The following AGFG1 variants were observed in gnomAD, a reference collection of about 807,000 sequenced individuals.
AGFG1 encodes the protein arf-GAP domain and FG repeat-containing protein 1.
A neutral mutation model predicts 60.6 loss-of-function variants in AGFG1; 10 were observed. That is an observed-to-expected ratio of 0.16 (90% CI 0.10 to 0.28). AGFG1 has a LOEUF of 0.28. Among genes scored for constraint, AGFG1 ranks in the 10% least tolerant of loss-of-function variants. The pLI is 1.00. For synonymous variants in AGFG1, 247 were observed against 242.9 expected (o/e 1.02, Z -0.16); for missense variants, 537 against 676.5 (o/e 0.79, Z 2.29).
chr2:227,556,025 G>T lies in AGFG1; in HGVS notation c.*1530G>T, dbSNP rs1055978041. The T allele has an allele frequency of 2.0e-5, 3 of 152,188 alleles. No individual in the cohort carries two copies. Among genetic ancestry groups the T allele is most frequent in the Non-Finnish European group, 4.4e-5 (3 of 68,032 alleles). The allele number at this position is 152,188 out of a possible 1,614,324, so 9.4% of individuals were successfully genotyped here. On this transcript the variant is annotated 3_prime_UTR_variant, in exon 13 of 13. Transcript: ENST00000310078. Reference sequence around the variant, plus strand: ...GTCCAAGGCCATTAGTGTAAGGACCGCTACCCAGCCTAGAGGACATCACTA... The same window carrying T: ...GTCCAAGGCCATTAGTGTAAGGACCTCTACCCAGCCTAGAGGACATCACTA...
At chr2:227,522,829 T>A (rs562260471) in intron 3 of AGFG1, among the ~76,000 whole-genome samples, 2 of 152,356 alleles carry the variant, frequency 1.3e-5, no homozygotes, top group African/African-American at 4.8e-5. Flanking sequence ...GTTTGGACAT[T>A]ATTATATCCT....
rs967124305 is a variant in AGFG1 at position 227,555,502 on chromosome 2, G to C, written c.*1007G>C. 4 of 152,308 alleles carry C rather than the reference G, an allele frequency of 2.6e-5. No individual in the cohort carries two copies. The highest frequency in any genetic ancestry group is 5.9e-5 in the Non-Finnish European group (4 of 67,952). The allele number at this position is 152,308 out of a possible 1,614,324, so 9.4% of individuals were successfully genotyped here. ...AAAAAAAATTGTCTTTGAATGTATT[G>C]GAAGTAGACATGCATTAACTGTGAC... On this transcript the variant is annotated 3_prime_UTR_variant, in exon 13 of 13. Coordinates refer to ENST00000310078, the MANE Select transcript of AGFG1 (RefSeq NM_004504.5).
At chr2:227,473,133 C>CT (rs1187231354) in intron 1 of AGFG1, among the ~76,000 whole-genome samples, 2 of 152,106 alleles carry the variant, frequency 1.3e-5, no homozygotes, top group African/African-American at 2.4e-5. Flanking sequence ...TCGCCCGTGC[C>CT]TTTTTTCTGG....
rs1354560961 is a variant in AGFG1 at position 227,534,926 on chromosome 2, C to T, written c.1106C>T (p.Ala369Val). 2 of 1,613,470 alleles carry T rather than the reference C, an allele frequency of 1.2e-6. No individual in the cohort carries two copies. Among genetic ancestry groups the T allele is most frequent in the South Asian group, 1.1e-5 (1 of 91,056 alleles). ...SVVSVPSQSS[A>V]SSDKYAALAE... ...GTTTCAGTTCCCAGTCAGTCAAGTG[C>T]ATCTTCAGACAAGTATGCAGCTCTG... Residue 369 changes from alanine (A) to valine (V), a missense_variant, in exon 8 of 13, where the codon GCA becomes GTA. Ala to Val is a moderately conservative substitution (Grantham distance 64, BLOSUM62 0). Transcript: ENST00000310078.
intron 1 of AGFG1, among the ~76,000 whole-genome samples, chr2:227,477,668 C>A (rs370216063): frequency 2.0e-5 from 3 of 151,850 alleles, no homozygotes; most frequent in Non-Finnish European, 4.4e-5. Context: ...TGCAGTGGTG[C>A]GATCTCACCT....
chr2:227,546,648 A>C (rs1298355585), intron 10 of AGFG1, among the ~76,000 whole-genome samples: 1 of 152,192 alleles, frequency 6.6e-6, no homozygotes, highest in Non-Finnish European at 1.5e-5. Flanking sequence ...CTTTTTAAAA[A>C]ACTGTAATAT....
intron 2 of AGFG1, among the ~76,000 whole-genome samples, chr2:227,504,554 AT>A (rs1691256324): frequency 6.6e-6 from 1 of 152,206 alleles, no homozygotes; most frequent in Non-Finnish European, 1.5e-5. Flanking sequence ...GTTCAAACTC[AT>A]ATTGTCAACT....
At chr2:227,499,641 A>G (rs1345847174) in intron 2 of AGFG1, among the ~76,000 whole-genome samples, 1 of 145,460 alleles carries the variant, frequency 6.9e-6, no homozygotes, top group African/African-American at 2.6e-5. Context: ...CTCTGTCTCA[A>G]AAAAAAAAAA....
At chr2:227,480,861 T>G (rs574204064) in intron 1 of AGFG1, among the ~76,000 whole-genome samples, 2 of 152,322 alleles carry the variant, frequency 1.3e-5, no homozygotes, top group South Asian at 4.1e-4. Context: ...AAAAATTAGT[T>G]TGCCTACATT....
intron 1 of AGFG1, among the ~76,000 whole-genome samples, chr2:227,486,593 C>T (rs868464904): frequency 5.7e-4 from 81 of 141,382 alleles, no homozygotes; most frequent in Admixed American, 8.2e-4. Context: ...AATATATATT[C>T]TATATGGATT....
At chr2:227,542,222 C>T (rs1692511730) in intron 10 of AGFG1, among the ~76,000 whole-genome samples, 1 of 152,164 alleles carries the variant, frequency 6.6e-6, no homozygotes, top group Non-Finnish European at 1.5e-5. Flanking sequence ...TGAGAGAGGG[C>T]ATACCTGTCA....
At chr2:227,523,646 T>G in intron 3 of AGFG1, 117 bp from the exon 4 acceptor site, 2 of 993,730 alleles carry the variant, frequency 2.0e-6, no homozygotes, top group Non-Finnish European at 1.5e-6. Flanking sequence ...TGTGAGAGGG[T>G]TTTCAGATAA....
chr2:227,493,144 T>C (rs1450531844), intron 2 of AGFG1, among the ~76,000 whole-genome samples: 1 of 152,110 alleles, frequency 6.6e-6, no homozygotes, highest in Non-Finnish European at 1.5e-5. Flanking sequence ...ATACCAAGAT[T>C]GAAGGAGTAT....
chr2:227,534,046 C>G (rs965561539), intron 7 of AGFG1, among the ~76,000 whole-genome samples: 11 of 151,874 alleles, frequency 7.2e-5, no homozygotes, highest in African/African-American at 2.7e-4. Context: ...CTATAAAGAG[C>G]CAAGAAACCC....
At chr2:227,519,876 A>G in intron 2 of AGFG1, 72 bp from the exon 3 acceptor site, 1 of 823,496 alleles carries the variant, frequency 1.2e-6, no homozygotes, top group Non-Finnish European at 1.9e-6. Context: ...TGAAAGAATC[A>G]TAGTATCCCC....
Position 227,509,746 on chromosome 2 carries a change from A to G in AGFG1, c.262-10202A>G, listed in dbSNP as rs531042769. Among the ~76,000 whole-genome samples the G allele has an allele frequency of 2.0e-5, 3 of 147,462 alleles. No homozygotes were observed. The South Asian group carries it at 6.9e-4, about 34-fold the overall frequency. On this transcript the variant is annotated intron_variant, in intron 2 of 12. Coordinates refer to ENST00000310078, the MANE Select transcript of AGFG1 (RefSeq NM_004504.5). ...AAAAACCAAGCAGAACTAAATTGTA[A>G]TGTTTAAGGATGTATACATGGTGGG...
Position 227,525,303 on chromosome 2 carries a change from A to G in AGFG1, c.694+388A>G, listed in dbSNP as rs545174721. Among the ~76,000 whole-genome samples the G allele has an allele frequency of 6.6e-5, 10 of 152,332 alleles. No individual in the cohort carries two copies. The East Asian group carries it at 1.9e-3, about 29-fold the overall frequency. On this transcript the variant is annotated intron_variant, in intron 5 of 12. Transcript: ENST00000310078. The stretch of plus-strand genomic sequence containing the variant: ...TTTTGAAGCAAATTTTAGACATAGT[A>G]TTAGTTTATCCTTAAATATTGTGTA...
chr2:227,474,073 T>G (rs1158114384), intron 1 of AGFG1, among the ~76,000 whole-genome samples: 3 of 152,190 alleles, frequency 2.0e-5, no homozygotes, highest in Non-Finnish European at 4.4e-5. Flanking sequence ...CTCTGAGAAG[T>G]TGCCAGTTAA....
At chr2:227,552,718 T>C (rs568453633) in intron 11 of AGFG1, among the ~76,000 whole-genome samples, 17 of 151,412 alleles carry the variant, frequency 1.1e-4, no homozygotes, top group Non-Finnish European at 2.2e-4. Flanking sequence ...ATCTGAAATA[T>C]GGGCTGGGCG....
Sources: gnomAD v4.1 joint callset for allele counts (sites outside exome capture counted in the v4.1 genomes callset) on GRCh38, gnomAD v4.1.1 for gene constraint, MANE v1.5 for transcripts, NCBI Gene and HGNC (gene_info 2026-07-23, HGNC 2026-07-21) for gene names.